DAB1: variants seen among roughly 807,000 people sequenced by gnomAD.
DAB1 encodes DAB adaptor protein 1.
In DAB1, 15 loss-of-function variants were observed where a neutral mutation model predicts 64.6. The ratio of observed to expected loss-of-function variants is 0.23; its 90% CI spans 0.16 to 0.36. The LOEUF (loss-of-function observed/expected upper bound fraction) is 0.36. Among genes scored for constraint, DAB1 ranks in the 10% least tolerant of loss-of-function variants. The pLI, the probability that DAB1 is intolerant of heterozygous loss-of-function variation, is 1.00. For synonymous variants in DAB1, 235 were observed against 251.9 expected (o/e 0.93, Z 0.64); for missense variants, 596 against 706.7 (o/e 0.84, Z 1.78).
chr1:57,652,634 T>C (rs1216609245), intron 6 of DAB1, among the ~76,000 whole-genome samples: 1 of 152,214 alleles, frequency 6.6e-6, no homozygotes, highest in African/African-American at 2.4e-5. Flanking sequence ...ACGTCCCCTC[T>C]TTCATTTCTT....
intron 7 of DAB1, among the ~76,000 whole-genome samples, chr1:57,429,302 C>T (rs1685413332): frequency 2.0e-5 from 3 of 152,114 alleles, no homozygotes; most frequent in Admixed American, 2.0e-4. Flanking sequence ...AAAAAAAGTC[C>T]ATTCAGGTCC....
chr1:58,170,876 A>G (rs1282269808), intron 4 of DAB1, among the ~76,000 whole-genome samples: 1 of 152,008 alleles, frequency 6.6e-6, no homozygotes, highest in Non-Finnish European at 1.5e-5. Flanking sequence ...CATCACCCTC[A>G]CTGAGCCCCG....
At chr1:58,504,856 T>C (rs2100413449) in intron 3 of DAB1, among the ~76,000 whole-genome samples, 1 of 152,362 alleles carries the variant, frequency 6.6e-6, no homozygotes, top group Non-Finnish European at 1.5e-5. Flanking sequence ...TCAAGAACCA[T>C]ATCTTATTCC....
At chr1:57,224,867 C>A (rs912117886) in intron 2 of DAB1, among the ~76,000 whole-genome samples, 1 of 152,172 alleles carries the variant, frequency 6.6e-6, no homozygotes, top group Admixed American at 6.5e-5. Context: ...AACTTTCAGC[C>A]AGGCCCCCAG....
At chr1:57,962,460 C>A (rs1645547359) in intron 5 of DAB1, among the ~76,000 whole-genome samples, 1 of 152,114 alleles carries the variant, frequency 6.6e-6, no homozygotes, top group Non-Finnish European at 1.5e-5. Context: ...CATCTCACCA[C>A]TTAGAAAAAA....
At chr1:58,069,858 T>C (rs1649123093) in intron 5 of DAB1, among the ~76,000 whole-genome samples, 1 of 152,234 alleles carries the variant, frequency 6.6e-6, no homozygotes, top group Non-Finnish European at 1.5e-5. Context: ...CACATTTTCT[T>C]ATTCCAACAC....
intron 5 of DAB1, among the ~76,000 whole-genome samples, chr1:58,014,595 T>A (rs1646713003): frequency 6.6e-6 from 1 of 152,356 alleles, no homozygotes; most frequent in Non-Finnish European, 1.5e-5. Context: ...TGCAGTCATA[T>A]CTTGCCCCCA....
intron 2 of DAB1, among the ~76,000 whole-genome samples, chr1:57,189,946 C>T (rs755154413): frequency 5.3e-5 from 8 of 151,876 alleles, no homozygotes; most frequent in African/African-American, 9.7e-5. Flanking sequence ...GATGCTAGGA[C>T]TGAACAGAAT....
chr1:58,147,114 C>A (rs1654640288), intron 5 of DAB1, among the ~76,000 whole-genome samples: 1 of 151,728 alleles, frequency 6.6e-6, no homozygotes, highest in Admixed American at 6.6e-5. Context: ...TGAGACCAAC[C>A]TGACCAATAT....
chr1:58,222,377 T>A (rs1245019522), intron 4 of DAB1, among the ~76,000 whole-genome samples: 1 of 152,176 alleles, frequency 6.6e-6, no homozygotes, highest in Non-Finnish European at 1.5e-5. Flanking sequence ...CAGATGGATG[T>A]TCATTGCACC....
At chr1:57,437,028 T>G (rs2101124973) in intron 7 of DAB1, among the ~76,000 whole-genome samples, 1 of 81,818 alleles carries the variant, frequency 1.2e-5, no homozygotes, top group African/African-American at 5.1e-5. Context: ...AGAGCAAGAC[T>G]CCGTCTCAAA....
At chr1:57,355,758 G>T (rs1286706803) in intron 1 of DAB1, among the ~76,000 whole-genome samples, 1 of 151,962 alleles carries the variant, frequency 6.6e-6, no homozygotes, top group Non-Finnish European at 1.5e-5. Context: ...GGTCTGAAGA[G>T]GTAAACTGTT....
intron 1 of DAB1, among the ~76,000 whole-genome samples, chr1:57,400,793 A>G (rs1683181326): frequency 6.6e-6 from 1 of 152,042 alleles, no homozygotes; most frequent in African/African-American, 2.4e-5. Context: ...CAAGTCATAC[A>G]AAGAGCAATC....
chr1:58,349,598 T>C (rs1202943523), intron 3 of DAB1, among the ~76,000 whole-genome samples: 1 of 152,082 alleles, frequency 6.6e-6, no homozygotes, highest in Non-Finnish European at 1.5e-5. Flanking sequence ...CCTAATGCTA[T>C]CCCTCCCCTA....
At chr1:57,576,383 G>A (rs1048338427) in intron 7 of DAB1, among the ~76,000 whole-genome samples, 11 of 152,306 alleles carry the variant, frequency 7.2e-5, no homozygotes, top group African/African-American at 2.6e-4. Flanking sequence ...CTTAAGTTGA[G>A]ATGAGGTTAT....
At chr1:58,117,868 A>AT (rs967491980) in intron 5 of DAB1, among the ~76,000 whole-genome samples, 1 of 148,612 alleles carries the variant, frequency 6.7e-6, no homozygotes, top group Admixed American at 6.7e-5. Context: ...TTTTTTTAAT[A>AT]TTTTTTTTCT....
At chr1:58,288,642 T>G (rs1661747011) in intron 4 of DAB1, among the ~76,000 whole-genome samples, 1 of 152,200 alleles carries the variant, frequency 6.6e-6, no homozygotes, top group African/African-American at 2.4e-5. Context: ...TTTAGTATAG[T>G]GCCTGGTACA....
chr1:58,004,145 A>C (rs1476712074), intron 5 of DAB1, among the ~76,000 whole-genome samples: 1 of 152,180 alleles, frequency 6.6e-6, no homozygotes, highest in African/African-American at 2.4e-5. Context: ...CTGCAGAGTG[A>C]GTCACAGTTT....
At chr1:57,439,431 T>TTTTTTTTTTTTTTTTTTTTTTTTTTTTG (rs1685839795) in intron 7 of DAB1, among the ~76,000 whole-genome samples, 1 of 125,174 alleles carries the variant, frequency 8.0e-6, no homozygotes, top group African/African-American at 3.1e-5. Context: ...TTTTCTTTTT[T>TTTTTTTTTTTTTTTTTTTTTTTTTTTTG]TTTTTTTTTT....
Sources: gnomAD v4.1 joint callset for allele counts (sites outside exome capture counted in the v4.1 genomes callset) on GRCh38, gnomAD v4.1.1 for gene constraint, MANE v1.5 for transcripts, NCBI Gene and HGNC (gene_info 2026-07-23, HGNC 2026-07-21) for gene names.